CPPED1: variants seen among roughly 807,000 people sequenced by gnomAD.
The protein encoded by CPPED1 is calcineurin like phosphoesterase domain containing 1, also known as serine/threonine-protein phosphatase CPPED1.
A neutral mutation model predicts 28.0 loss-of-function variants in CPPED1; 28 were observed. The observed-to-expected ratio is 1.00, with a 90% CI of 0.74 to 1.37. CPPED1 has a LOEUF of 1.37. Among genes scored for constraint, CPPED1 ranks in the 40% most tolerant of loss-of-function variants. The pLI is 0.00. For synonymous variants in CPPED1, 198 were observed against 180.2 expected (o/e 1.10, Z -0.79); for missense variants, 504 against 416.5 (o/e 1.21, Z -1.83).
At chr16:12,713,163 C>A (rs530065563) in intron 2 of CPPED1, among the ~76,000 whole-genome samples, 34 of 151,976 alleles carry the variant, frequency 2.2e-4, no homozygotes, top group African/African-American at 7.2e-4. Flanking sequence ...AAATTGTGCT[C>A]AGGACGAATT....
chr16:12,686,003 T>A (rs1254736663), intron 3 of CPPED1, among the ~76,000 whole-genome samples: 2 of 152,124 alleles, frequency 1.3e-5, no homozygotes, highest in Non-Finnish European at 2.9e-5. Context: ...TGCAGAGAGA[T>A]CCTGCTCATG....
At chr16:12,799,381 G>A (rs1225305261) in intron 1 of CPPED1, among the ~76,000 whole-genome samples, 3 of 151,988 alleles carry the variant, frequency 2.0e-5, no homozygotes, top group Non-Finnish European at 4.4e-5. Flanking sequence ...AAGTAGCTGG[G>A]ATTACAGGTG....
At chr16:12,695,490 C>T (rs554916490) in intron 3 of CPPED1, among the ~76,000 whole-genome samples, 86 of 152,194 alleles carry the variant, frequency 5.7e-4, no homozygotes, top group African/African-American at 2.0e-3. Flanking sequence ...GGGCTAGTCT[C>T]GAACTCTTAG....
At position 12,778,548 on chromosome 16, in the gene CPPED1, T is replaced by C. The variant is rs549085192; in HGVS notation, c.289+2637A>G. Among the ~76,000 whole-genome samples, 259 of 152,364 alleles carry C rather than the reference T, an allele frequency of 1.7e-3. 1 individual carries two copies. The highest frequency in any genetic ancestry group is 6.0e-3 in the African/African-American group (251 of 41,594). On this transcript the variant is annotated intron_variant, in intron 2 of 3. Transcript: ENST00000381774. ...ACCTTGGCGTCCCAAAGTACTGGGA[T>C]TGCAGGTGTCAGCCACTGTGCCTGG... is the stretch of plus-strand genomic sequence containing the variant.
chr16:12,726,439 T>A (rs1224766213), intron 2 of CPPED1, among the ~76,000 whole-genome samples: 1 of 149,260 alleles, frequency 6.7e-6, no homozygotes, highest in African/African-American at 2.5e-5. Flanking sequence ...ACCTCCTGGG[T>A]TCAAGCGATT....
intron 1 of CPPED1, among the ~76,000 whole-genome samples, chr16:12,790,281 T>C (rs1394808618): frequency 1.3e-5 from 2 of 152,238 alleles, no homozygotes; most frequent in Non-Finnish European, 2.9e-5. Context: ...TCTCTGCTAA[T>C]ACATTTCCTC....
rs750915098 is a variant in CPPED1, at chr16:12,664,401, C to T, written c.*485G>A. The T allele has an allele frequency of 1.6e-5, 16 of 1,006,860 alleles. No homozygotes were observed. In the African/African-American group the frequency reaches 2.3e-4, roughly 14 times the overall value. The allele number at this position is 1,006,860 out of a possible 1,614,324, so 62.4% of individuals were successfully genotyped here. ...TCTCACAACAAGGGAGACAGCTGTT[C>T]GTTCCGCTGGAAAGGAAAGGAGATG... On this transcript the variant is annotated 3_prime_UTR_variant, in exon 4 of 4. Coordinates refer to ENST00000381774, the MANE Select transcript of CPPED1 (RefSeq NM_018340.3). The surrounding 1 kb of genome is among the most constrained non-coding windows in gnomAD (Gnocchi z 4.2).
At chr16:12,721,211 G>C (rs1419641288) in intron 2 of CPPED1, among the ~76,000 whole-genome samples, 5 of 152,046 alleles carry the variant, frequency 3.3e-5, no homozygotes, top group African/African-American at 7.2e-5. Flanking sequence ...ATCTCAATCA[G>C]AAAGACAGGC....
intron 2 of CPPED1, among the ~76,000 whole-genome samples, chr16:12,776,935 C>T (rs1490503473): frequency 6.6e-6 from 1 of 152,090 alleles, no homozygotes; most frequent in East Asian, 1.9e-4. Flanking sequence ...AAAGATGTGC[C>T]TTTCGCCATC....
intron 2 of CPPED1, among the ~76,000 whole-genome samples, chr16:12,720,110 G>A (rs1400475006): frequency 6.6e-6 from 1 of 152,170 alleles, no homozygotes; most frequent in Non-Finnish European, 1.5e-5. Context: ...GGCCTAGACA[G>A]GAGAGCACAG....
intron 2 of CPPED1, among the ~76,000 whole-genome samples, chr16:12,752,016 C>A (rs1282602093): frequency 2.0e-5 from 3 of 152,186 alleles, no homozygotes; most frequent in Non-Finnish European, 4.4e-5. Flanking sequence ...GAATTCAAAC[C>A]CAGTTTTGTC....
In CPPED1 at chr16:12,757,175, T is replaced by TAGCACCTCGAGGGTGACCAACTAAGTTAC. The variant is rs2080375796; in HGVS notation, c.289+24009_289+24010insGTAACTTAGTTGGTCACCCTCGAGGTGCT. ...ACCTCGAGGGTGACCAACTAAGTTA[T>TAGCACCTCGAGGGTGACCAACTAAGTTAC]AGCACCTCGAGGGTGACCAACAAAG... On this transcript the variant is annotated intron_variant, in intron 2 of 3. Transcript: ENST00000381774. Among the ~76,000 whole-genome samples the TAGCACCTCGAGGGTGACCAACTAAGTTAC allele has an allele frequency of 1.3e-5, 2 of 151,942 alleles. 1 individual carries two copies. Among genetic ancestry groups the TAGCACCTCGAGGGTGACCAACTAAGTTAC allele is most frequent in the Non-Finnish European group, 2.9e-5 (2 of 67,958 alleles).
chr16:12,742,887 GACGAATACACAGGGAACCAGGC>G (rs1386190920), intron 2 of CPPED1, among the ~76,000 whole-genome samples: 3 of 152,158 alleles, frequency 2.0e-5, no homozygotes, highest in Non-Finnish European at 4.4e-5. Context: ...GGAGGCGTGG[GACGAATACACAGGGAACCAGGC>G]ACCAGTTTCC....
rs1286197154 is a variant in CPPED1, at chr16:12,682,759, C to G, written c.716-17644G>C. 6.6e-6 allele frequency among the ~76,000 whole-genome samples: 1 copy of G among 152,234 alleles called. No homozygotes were observed. The highest frequency in any genetic ancestry group is 1.5e-5 in the Non-Finnish European group (1 of 68,046). On this transcript the variant is annotated intron_variant, in intron 3 of 3. Transcript: ENST00000381774. The surrounding 1 kb of genome is among the most constrained non-coding windows in gnomAD (Gnocchi z 6.1). ...TTCTCTAAGTATCTGATCAGAAGATCTTTTTCTTTTCATTTGCACAAATTA... is the reference window on the plus strand; with the variant it reads ...TTCTCTAAGTATCTGATCAGAAGATGTTTTTCTTTTCATTTGCACAAATTA...
At chr16:12,703,511 A>G (rs1341889102) in intron 3 of CPPED1, among the ~76,000 whole-genome samples, 2 of 152,120 alleles carry the variant, frequency 1.3e-5, no homozygotes, top group African/African-American at 4.8e-5. Flanking sequence ...GTGAAACCCC[A>G]TCTCTACTAA....
At chr16:12,695,960 A>G (rs772718358) in intron 3 of CPPED1, among the ~76,000 whole-genome samples, 1 of 152,204 alleles carries the variant, frequency 6.6e-6, no homozygotes, top group Non-Finnish European at 1.5e-5. Flanking sequence ...AAATTTTATC[A>G]CTACATTCTG....
intron 2 of CPPED1, among the ~76,000 whole-genome samples, chr16:12,766,313 G>A (rs1412919711): frequency 1.3e-5 from 2 of 149,422 alleles, no homozygotes; most frequent in Admixed American, 1.3e-4. Flanking sequence ...AGAGAGAGCT[G>A]GGTATTGTAT....
chr16:12,734,547 T>A (rs2080217304), intron 2 of CPPED1, among the ~76,000 whole-genome samples: 1 of 152,038 alleles, frequency 6.6e-6, no homozygotes, highest in Admixed American at 6.5e-5. Flanking sequence ...CCCCGGCTAA[T>A]TTTCTGGATT....
chr16:12,746,356 A>G (rs1268982564), intron 2 of CPPED1, among the ~76,000 whole-genome samples: 1 of 144,630 alleles, frequency 6.9e-6, no homozygotes, highest in African/African-American at 2.6e-5. Flanking sequence ...CCTAGGCGAC[A>G]GAGCAAGACT....
Sources: gnomAD v4.1 joint callset for allele counts (sites outside exome capture counted in the v4.1 genomes callset) on GRCh38, gnomAD v4.1.1 for gene constraint, Gnocchi (gnomAD v3.1) non-coding constraint, MANE v1.5 for transcripts, NCBI Gene and HGNC (gene_info 2026-07-23, HGNC 2026-07-21) for gene names.